Variants in IQANK1 observed in about 807,000 individuals in gnomAD.
IQANK1 encodes IQ motif and ankyrin repeat domain-containing protein 1.
In IQANK1, 30 loss-of-function variants were observed where a neutral mutation model predicts 22.6. That is an observed-to-expected ratio of 1.33 (90% confidence interval 0.99 to 1.80). The LOEUF is 1.80. Ranked by LOEUF, IQANK1 falls within the 40% of genes most tolerant of loss-of-function variation. IQANK1 has a pLI of 0.00. For missense variants in IQANK1, 275 were observed against 235.2 expected, an observed-to-expected ratio of 1.17 and a Z score of -1.11; for synonymous variants, 122 against 99.6, an observed-to-expected ratio of 1.23 and a Z score of -1.34.
chr8:143,735,770 C>T lies in IQANK1; in HGVS notation c.-4-80C>T. 1.4e-6 allele frequency: 1 copy of T among 690,402 alleles called. No individual in the cohort carries two copies. 42.8% of individuals were successfully genotyped at this position (690,402 alleles called of 1,614,324 possible). A position where few individuals can be genotyped will look rare whatever the true frequency, so the allele number is the denominator to read the frequency against. ...CATCCACTCAGGCGCCCATGGTGTG[C>T]CCTGTTCCCCACTGCCACTGCCCCT... On this transcript the variant is annotated intron_variant, in intron 1 of 13. Transcript: ENST00000527139. This position sits in a 1 kb window ranked among gnomAD's most constrained non-coding sequence, Gnocchi z 5.2.
chr8:143,743,819 T>A (rs1554626931), intron 3 of IQANK1: 1 of 425,324 alleles, frequency 2.4e-6, no homozygotes, highest in South Asian at 1.7e-5. Flanking sequence ...TAGTTTTTAG[T>A]TTCTGAATAC....
At chr8:143,742,328 G>T (rs558703702) in intron 3 of IQANK1, 2 of 450,038 alleles carry the variant, frequency 4.4e-6, no homozygotes, top group South Asian at 3.1e-5. Context: ...GCTGCTGCCC[G>T]CCAGGATCTC....
intron 3 of IQANK1, among the ~76,000 whole-genome samples, chr8:143,770,882 C>T (rs1297832083): frequency 6.6e-6 from 1 of 152,248 alleles, no homozygotes; most frequent in Non-Finnish European, 1.5e-5. Context: ...CTTCCCCAGG[C>T]CAGTCAGGGC....
At chr8:143,748,472 T>C (rs1257688915) in intron 3 of IQANK1, among the ~76,000 whole-genome samples, 2 of 141,142 alleles carry the variant, frequency 1.4e-5, no homozygotes, top group African/African-American at 2.6e-5. Context: ...ATACATGATA[T>C]ATAATATATA....
At chr8:143,747,547 T>C (rs1304485844) in intron 3 of IQANK1, among the ~76,000 whole-genome samples, 3 of 152,212 alleles carry the variant, frequency 2.0e-5, no homozygotes, top group Admixed American at 2.0e-4. Flanking sequence ...TCTCCTAAGG[T>C]TGGTATGTTG....
chr8:143,754,084 G>A (rs2129849432), intron 3 of IQANK1, among the ~76,000 whole-genome samples: 1 of 152,114 alleles, frequency 6.6e-6, no homozygotes, highest in African/African-American at 2.4e-5. Flanking sequence ...GAATGTCCTA[G>A]CCTTTCATGT....
At chr8:143,740,098 A>G (rs1818863271) in intron 3 of IQANK1, 150 bp downstream of exon 3, 2 of 522,264 alleles carry the variant, frequency 3.8e-6, no homozygotes, top group South Asian at 5.2e-5. Context: ...GTGCGCGTGT[A>G]CGCGCACCTG....
chr8:143,781,654 GCTCT>G (rs1285864329), intron 7 of IQANK1, among the ~76,000 whole-genome samples: 2 of 152,152 alleles, frequency 1.3e-5, no homozygotes, highest in East Asian at 1.9e-4. Flanking sequence ...TTGTTTCTGG[GCTCT>G]CTATTCTGTT....
chr8:143,739,712 C>T (rs1486476763), intron 2 of IQANK1, 147 bp from the exon 3 acceptor site: 4 of 572,530 alleles, frequency 7.0e-6, no homozygotes, highest in South Asian at 2.2e-5. Flanking sequence ...TAAGGTTGTC[C>T]GTGTGCTTCC....
intron 7 of IQANK1, among the ~76,000 whole-genome samples, chr8:143,780,718 G>T (rs1229247186): frequency 1.3e-5 from 2 of 152,038 alleles, no homozygotes; most frequent in Admixed American, 6.6e-5. Context: ...TCTTTATCTT[G>T]TCTGTCACTG....
intron 2 of IQANK1, among the ~76,000 whole-genome samples, chr8:143,738,920 T>C (rs1186666012): frequency 6.6e-6 from 1 of 152,040 alleles, no homozygotes; most frequent in African/African-American, 2.4e-5. Context: ...CCGCTGGGGT[T>C]TGGTGGAGAC....
chr8:143,755,921 T>C (rs1321093820), intron 3 of IQANK1, among the ~76,000 whole-genome samples: 1 of 152,154 alleles, frequency 6.6e-6, no homozygotes, highest in African/African-American at 2.4e-5. Context: ...ATCTAATCTA[T>C]GTTGTAGAGC....
intron 7 of IQANK1, among the ~76,000 whole-genome samples, chr8:143,779,521 T>C (rs2129933695): frequency 6.6e-6 from 1 of 152,382 alleles, no homozygotes; most frequent in Admixed American, 6.5e-5. Flanking sequence ...AATCAGTTCA[T>C]TCAATTAATC....
chr8:143,771,495 C>A lies in IQANK1; in HGVS notation c.183C>A (p.Ala61=), dbSNP rs1256926904. The change falls in exon 4 of 14, where the codon GCC becomes GCA. Residue 61 remains alanine (A), a synonymous_variant. Coordinates refer to ENST00000527139, the MANE Select transcript of IQANK1 (RefSeq NM_001381874.1). The surrounding 1 kb of genome is among the most constrained non-coding windows in gnomAD (Gnocchi z 6.0). ...AGCCTCTCCCCACCCCAGGGCCGGC[C>A]GAGGACCGAGCGGCCAGAGCGATCC... ...AESPQAPTGP[A]EDRAARAIQG... is the part of the protein sequence containing the mutation. 5 of 397,844 alleles carry A rather than the reference C, an allele frequency of 1.3e-5. No homozygotes were observed. The Admixed American group carries it at 1.3e-4, about 11-fold the overall frequency. 24.6% of individuals were successfully genotyped at this position (397,844 alleles called of 1,614,324 possible).
intron 7 of IQANK1, among the ~76,000 whole-genome samples, chr8:143,785,725 A>AT (rs56864621): frequency 0.62 from 82,591 of 133,154 alleles, 28,160 homozygotes; most frequent in Non-Finnish European, 0.78. Context: ...ATGCCCAGCT[A>AT]TTTTTTTTTT....
At chr8:143,777,870 T>C (rs183716674) in intron 7 of IQANK1, among the ~76,000 whole-genome samples, 302 of 152,176 alleles carry the variant, frequency 2.0e-3, no homozygotes, top group African/African-American at 7.0e-3. Context: ...ATAATCTCAT[T>C]ACACATGGAC....
At chr8:143,749,795 T>G (rs1388670679) in intron 3 of IQANK1, among the ~76,000 whole-genome samples, 1 of 150,484 alleles carries the variant, frequency 6.6e-6, no homozygotes, top group East Asian at 1.9e-4. Context: ...ACTCCTGACC[T>G]CAGGTGATCT....
intron 3 of IQANK1, among the ~76,000 whole-genome samples, chr8:143,764,143 C>T (rs782580273): frequency 2.6e-5 from 4 of 151,990 alleles, no homozygotes; most frequent in Admixed American, 6.6e-5. Flanking sequence ...GAGGGCCCGC[C>T]GGAAGGACTC....
At chr8:143,763,634 A>G (rs1251070611) in intron 3 of IQANK1, among the ~76,000 whole-genome samples, 5 of 152,218 alleles carry the variant, frequency 3.3e-5, no homozygotes, top group Middle Eastern at 3.2e-3. Context: ...GCCACTTGCC[A>G]TGGGGCACAC....
Sources: allele counts gnomAD v4.1 joint callset (sites outside exome capture counted in the v4.1 genomes callset), GRCh38; gene constraint gnomAD v4.1.1; non-coding constraint Gnocchi (gnomAD v3.1); transcripts MANE v1.5; gene names NCBI Gene and HGNC (gene_info 2026-07-23, HGNC 2026-07-21).